The following NCAPD3 variants were observed in gnomAD, a reference collection of about 807,000 sequenced individuals.
The protein encoded by NCAPD3 is non-SMC condensin II complex subunit D3, also known as condensin-2 complex subunit D3.
Under a neutral mutation model 182.9 loss-of-function variants are expected in NCAPD3, and 105 were observed. The observed-to-expected ratio is 0.57, with a 90% CI of 0.49 to 0.68. The LOEUF is 0.68. Ranked by LOEUF, NCAPD3 falls within the 30% of genes least tolerant of loss-of-function variation. The pLI is 0.00. For synonymous variants in NCAPD3, 815 were observed against 679.9 expected (o/e 1.20, Z -3.09); for missense variants, 1,944 against 1,837.0 (o/e 1.06, Z -1.07).
rs1944165127 is a variant in NCAPD3, at chr11:134,176,350, G to C, written c.3058C>G (p.Arg1020Gly). The change falls in exon 24 of 35, where the codon CGA (arginine) becomes GGA (glycine). Residue 1020 changes from arginine to glycine, a missense_variant. This residue lies in a region of NCAPD3 where 1,803 missense variants were observed against 1,674.6 expected (regional missense o/e 1.08). Coordinates refer to ENST00000534548, the MANE Select transcript of NCAPD3 (RefSeq NM_015261.3). ...GAATCGATCAGAGTGCTGACAAATC[G>C]GAAGAACAGGGAGCCCTTCCATTTC... ...FVKWKGSLFF[R>G]FVSTLIDSHP... 2 of 1,614,008 alleles carry C rather than the reference G, an allele frequency of 1.2e-6. No individual in the cohort carries two copies. Among genetic ancestry groups the C allele is most frequent in the South Asian group, 2.2e-5 (2 of 91,074 alleles).
Position 134,184,692 on chromosome 11 carries a change from A to G in NCAPD3, c.2396T>C (p.Val799Ala), listed in dbSNP as rs1248444493. ...TCTACAAAGCCTCTGCAAGGCGTCA[A>G]CAGCTGAACTGATCACCTCTAGAGA... ...QWSLEVISSA[V>A]DALQRLCRAS... The change falls in exon 19 of 35, where the codon GTT becomes GCT. Residue 799 changes from valine (V) to alanine (A), a missense_variant. Transcript: ENST00000534548. 18 of 1,613,952 alleles carry G rather than the reference A, an allele frequency of 1.1e-5. No homozygotes were observed. The highest frequency in any genetic ancestry group is 1.4e-5 in the Non-Finnish European group (17 of 1,179,986).
upstream of NCAPD3, chr11:134,224,022 C>T (rs1591872781): frequency 3.5e-6 from 5 of 1,447,230 alleles, no homozygotes; most frequent in Non-Finnish European, 4.7e-6. Context: ...TCACAACGTA[C>T]AGAATTTCCC....
At chr11:134,199,849 T>C (rs962096096) in intron 13 of NCAPD3, among the ~76,000 whole-genome samples, 3 of 152,108 alleles carry the variant, frequency 2.0e-5, no homozygotes, top group Non-Finnish European at 4.4e-5. Flanking sequence ...GCAACGGCAA[T>C]CAACACAATG....
chr11:134,164,158 TG>T (rs2120607538), intron 27 of NCAPD3, among the ~76,000 whole-genome samples: 1 of 152,234 alleles, frequency 6.6e-6, no homozygotes, highest in Non-Finnish European at 1.5e-5. Context: ...AACACAGGCC[TG>T]CAGAGGCCTG....
intron 28 of NCAPD3, 54 bp downstream of exon 28, chr11:134,161,727 C>A: frequency 9.3e-7 from 1 of 1,069,732 alleles, no homozygotes; most frequent in Non-Finnish European, 1.4e-6. Flanking sequence ...GCAGAAGATC[C>A]TAAGTAATGA....
At chr11:134,169,163 G>T (rs1943946458) in intron 24 of NCAPD3, 109 bp from the exon 25 acceptor site, 2 of 1,108,900 alleles carry the variant, frequency 1.8e-6, no homozygotes, top group Non-Finnish European at 2.5e-6. Flanking sequence ...TAAGCGTAGG[G>T]ATTCAAAATC....
In NCAPD3 at chr11:134,157,935, G is replaced by A. The variant is rs538396773; in HGVS notation, c.4167C>T (p.Cys1389=). ...ACCAAACATAAGGCTTACCCTGACT[G>A]CACGTTTTTTCTGGGCTTCCAGAAT... ...TLNSGSPEKT[C]SQVSSYSLEQ... Residue 1389 remains cysteine, a synonymous_variant, in exon 31 of 35, where the codon TGC becomes TGT. Coordinates refer to ENST00000534548, the MANE Select transcript of NCAPD3 (RefSeq NM_015261.3). 2 of 1,613,718 alleles carry A rather than the reference G, an allele frequency of 1.2e-6. No individual in the cohort carries two copies. Among genetic ancestry groups the A allele is most frequent in the African/African-American group, 2.7e-5 (2 of 75,050 alleles).
Position 134,204,928 on chromosome 11 carries a change from G to A in NCAPD3, c.1060C>T (p.Arg354Cys), listed in dbSNP as rs757034392. 8 of 1,613,390 alleles carry A rather than the reference G, an allele frequency of 5.0e-6. No homozygotes were observed. Among genetic ancestry groups the A allele is most frequent in the African/African-American group, 1.3e-5 (1 of 74,832 alleles). Residue 354 changes from arginine (R) to cysteine (C), a missense_variant, in exon 9 of 35, where the codon CGT becomes TGT. Physicochemically the swap from Arg to Cys is radical, Grantham distance 180. Coordinates refer to ENST00000534548, the MANE Select transcript of NCAPD3 (RefSeq NM_015261.3). The surrounding 1 kb of genome is among the most constrained non-coding windows in gnomAD (Gnocchi z 4.3). The part of the protein sequence containing the change: ...ELKESIFPVV[R>C]ILLQHICAKV... The stretch of plus-strand genomic sequence containing the variant: ...GCACAGATGTGCTGCAGTAAGATAC[G>A]GACGACTGGGAATATACTCTCCTTT...
At chr11:134,156,465 G>A (rs180887084) in intron 32 of NCAPD3, among the ~76,000 whole-genome samples, 2 of 152,282 alleles carry the variant, frequency 1.3e-5, no homozygotes, top group East Asian at 3.9e-4. Context: ...TATCACACAA[G>A]ATAATAGGAA....
At chr11:134,193,901 G>T in intron 15 of NCAPD3, 115 bp downstream of exon 15, 1 of 1,037,122 alleles carries the variant, frequency 9.6e-7, no homozygotes. Context: ...GTTCTACAGT[G>T]GACTTAGTAG....
At chr11:134,202,970 G>T (rs1944780898) in intron 12 of NCAPD3, 65 bp from the exon 13 acceptor site, 1 of 1,318,354 alleles carries the variant, frequency 7.6e-7, no homozygotes, top group Non-Finnish European at 1.1e-6. Context: ...CATTAGCAGG[G>T]CATGTTACTC....
chr11:134,158,455 T>C lies in NCAPD3; in HGVS notation c.3908A>G (p.Gln1303Arg), dbSNP rs1318051093. The C allele has an allele frequency of 1.2e-5, 19 of 1,614,176 alleles. No homozygotes were observed. Among genetic ancestry groups the C allele is most frequent in the Non-Finnish European group, 1.6e-5 (19 of 1,180,038 alleles). ...CLETVPVPAGQENPAMSPAVS... is the reference protein window; with the variant it reads ...CLETVPVPAGRENPAMSPAVS... The stretch of plus-strand genomic sequence containing the variant: ...GGCAGGTGACATGGCAGGGTTTTCT[T>C]GGCCAGCAGGAACTGGCACTGTTTC... Residue 1303 changes from glutamine (Q) to arginine (R), a missense_variant, in exon 30 of 35, where the codon CAA (glutamine) becomes CGA (arginine). Gln to Arg is a conservative substitution (Grantham distance 43). Coordinates refer to ENST00000534548, the MANE Select transcript of NCAPD3 (RefSeq NM_015261.3).
At chr11:134,219,228 T>C (rs970631351) in intron 2 of NCAPD3, among the ~76,000 whole-genome samples, 3 of 152,224 alleles carry the variant, frequency 2.0e-5, no homozygotes, top group African/African-American at 7.2e-5. Flanking sequence ...TGCTGGCCAC[T>C]TTCTTTCTGG....
Position 134,168,029 on chromosome 11 carries a change from G to T in NCAPD3, c.3540C>A (p.Val1180=), listed in dbSNP as rs1565527461. The T allele has an allele frequency of 6.2e-7, 1 of 1,614,104 alleles. No homozygotes were observed. Among genetic ancestry groups the T allele is most frequent in the Admixed American group, 1.7e-5 (1 of 60,018 alleles). Residue 1180 remains valine, a synonymous_variant, in exon 27 of 35, where the codon GTC becomes GTA. Coordinates refer to ENST00000534548, the MANE Select transcript of NCAPD3 (RefSeq NM_015261.3). ...TGAGCTTCTTCTGAGCTTCCTGCAT[G>T]ACTACATTTGCCAAGGCCATGTCAT... ...EEDDMALANV[V]MQEAQKKLIS... is the part of the protein sequence containing the mutation.
chr11:134,223,763 C>T (rs1348779656), intron 1 of NCAPD3, 100 bp downstream of exon 1: 2 of 1,426,720 alleles, frequency 1.4e-6, no homozygotes, highest in African/African-American at 2.8e-5. Context: ...CGGGCGCCCC[C>T]ACCCCGCCCC....
chr11:134,184,040 T>C (rs896834465), intron 19 of NCAPD3, among the ~76,000 whole-genome samples: 1 of 152,224 alleles, frequency 6.6e-6, no homozygotes, highest in Non-Finnish European at 1.5e-5. Context: ...ATAAAATTAT[T>C]TCTTCAGTTA....
intron 14 of NCAPD3, 110 bp from the exon 15 acceptor site, chr11:134,194,260 G>C: frequency 1.7e-6 from 2 of 1,195,426 alleles, no homozygotes; most frequent in East Asian, 4.9e-5. Context: ...TAACATTTTG[G>C]GGTCATGGAT....
At chr11:134,159,104 A>G (rs1164745949) in intron 29 of NCAPD3, among the ~76,000 whole-genome samples, 1 of 152,242 alleles carries the variant, frequency 6.6e-6, no homozygotes, top group Non-Finnish European at 1.5e-5. Context: ...GCTATTGTGA[A>G]CAGTGCTGCA....
intron 24 of NCAPD3, among the ~76,000 whole-genome samples, chr11:134,174,046 A>G (rs756205949): frequency 6.6e-6 from 1 of 152,110 alleles, no homozygotes; most frequent in African/African-American, 2.4e-5. Flanking sequence ...AAAATTCAAT[A>G]GGCTCTGCCA....
Sources: gnomAD v4.1 joint callset for allele counts (sites outside exome capture counted in the v4.1 genomes callset) on GRCh38, gnomAD v4.1.1 for gene constraint, gnomAD v4.1.1 regional missense constraint, Gnocchi (gnomAD v3.1) non-coding constraint, MANE v1.5 for transcripts, NCBI Gene and HGNC (gene_info 2026-07-23, HGNC 2026-07-21) for gene names.